The following MAP4K3 variants were observed in gnomAD, a reference collection of about 807,000 sequenced individuals.
MAP4K3 encodes MAPK/ERK kinase kinase kinase 3.
Under a neutral mutation model 143.5 loss-of-function variants are expected in MAP4K3, and 94 were observed. That is an observed-to-expected ratio of 0.65 (90% CI 0.55 to 0.78). The LOEUF (loss-of-function observed/expected upper bound fraction) is 0.78, where lower values mean the gene tolerates loss of function less well. Ranked by LOEUF, MAP4K3 falls within the 30% of genes least tolerant of loss-of-function variation. The pLI is 0.00. For synonymous variants in MAP4K3, 416 were observed against 347.2 expected, an observed-to-expected ratio of 1.20 and a Z score of -2.20; for missense variants, 1,077 against 1,068.1, an observed-to-expected ratio of 1.01 and a Z score of -0.12.
In MAP4K3 at chr2:39,267,069, T is replaced by C. The variant is rs527786109; in HGVS notation, c.2032+120A>G. On this transcript the variant is annotated intron_variant, in intron 27 of 33. Transcript: ENST00000263881. ...ACAGAGATGAAACAGCCAAGAAATT[T>C]GTTCTACTTAAGCAGGAAAAATAAA... The C allele has an allele frequency of 7.5e-5, 65 of 866,964 alleles. 1 individual carries two copies. In the South Asian group the frequency reaches 8.6e-4, roughly 11 times the overall value. The allele number at this position is 866,964 out of a possible 1,614,324, so 53.7% of individuals were successfully genotyped here.
intron 16 of MAP4K3, among the ~76,000 whole-genome samples, chr2:39,293,571 C>A (rs1445724448): frequency 6.6e-6 from 1 of 152,098 alleles, no homozygotes; most frequent in Non-Finnish European, 1.5e-5. Context: ...AATGTCACAA[C>A]AGTACTGACA....
intron 1 of MAP4K3, among the ~76,000 whole-genome samples, chr2:39,378,960 A>G (rs1359060802): frequency 6.6e-6 from 1 of 151,944 alleles, no homozygotes; most frequent in East Asian, 1.9e-4. Context: ...TTGTCAATTT[A>G]AGATATTTTA....
chr2:39,424,179 G>C (rs1664986307), intron 1 of MAP4K3, among the ~76,000 whole-genome samples: 1 of 152,082 alleles, frequency 6.6e-6, no homozygotes, highest in Non-Finnish European at 1.5e-5. Flanking sequence ...CCTGACCTCA[G>C]GTGATCCACC....
At chr2:39,338,124 G>T (rs1665029111) in intron 4 of MAP4K3, among the ~76,000 whole-genome samples, 1 of 152,066 alleles carries the variant, frequency 6.6e-6, no homozygotes, top group African/African-American at 2.4e-5. Flanking sequence ...GCAGAACAGT[G>T]CCTGGCACAG....
intron 28 of MAP4K3, 83 bp from the exon 29 acceptor site, chr2:39,260,860 A>G: frequency 1.2e-6 from 1 of 868,770 alleles, no homozygotes; most frequent in Non-Finnish European, 1.8e-6. Flanking sequence ...ACAGCTTTCT[A>G]CAATAAAGAC....
intron 4 of MAP4K3, among the ~76,000 whole-genome samples, chr2:39,343,031 G>A (rs1665185986): frequency 6.6e-6 from 1 of 152,010 alleles, no homozygotes; most frequent in Non-Finnish European, 1.5e-5. Context: ...ATACATGAGA[G>A]CAAAATAAAT....
chr2:39,371,352 C>T (rs771800642), intron 2 of MAP4K3, among the ~76,000 whole-genome samples: 16 of 152,132 alleles, frequency 1.1e-4, no homozygotes, highest in African/African-American at 3.4e-4. Context: ...AACAAAGTTA[C>T]GATGGATGTG....
chr2:39,404,276 T>TG (rs1176301510), intron 1 of MAP4K3, among the ~76,000 whole-genome samples: 1 of 152,092 alleles, frequency 6.6e-6, no homozygotes, highest in Non-Finnish European at 1.5e-5. Flanking sequence ...AGTGGACTCT[T>TG]GGAGTCCCTG....
intron 32 of MAP4K3, 81 bp downstream of exon 32, chr2:39,254,369 C>T: frequency 8.9e-7 from 1 of 1,117,384 alleles, no homozygotes; most frequent in Non-Finnish European, 1.4e-6. Context: ...TCAAGCATTA[C>T]TTGTATCATT....
At chr2:39,298,964 C>CAAA (rs371633915) in intron 16 of MAP4K3, among the ~76,000 whole-genome samples, 54 of 68,516 alleles carry the variant, frequency 7.9e-4, no homozygotes, top group African/African-American at 2.0e-3. Context: ...CACTCTGCCT[C>CAAA]AAAAAAAAAA....
chr2:39,374,839 T>C (rs561970344), intron 2 of MAP4K3, among the ~76,000 whole-genome samples: 3 of 152,282 alleles, frequency 2.0e-5, no homozygotes, highest in South Asian at 2.1e-4. Context: ...CAGGTTCAAA[T>C]TGCTTATCAG....
chr2:39,278,127 C>A (rs1443709533), intron 24 of MAP4K3, among the ~76,000 whole-genome samples: 1 of 151,564 alleles, frequency 6.6e-6, no homozygotes, highest in Non-Finnish European at 1.5e-5. Flanking sequence ...ACTAAAAACA[C>A]AAAAATTGGC....
At chr2:39,358,180 GATAACT>G (rs1482103604) in intron 2 of MAP4K3, among the ~76,000 whole-genome samples, 1 of 152,198 alleles carries the variant, frequency 6.6e-6, no homozygotes, top group East Asian at 1.9e-4. Context: ...TTCTGTTACA[GATAACT>G]ATAAGCATCA....
intron 31 of MAP4K3, among the ~76,000 whole-genome samples, chr2:39,257,566 C>T (rs368857942): frequency 1.5e-3 from 232 of 151,884 alleles, no homozygotes; most frequent in Admixed American, 3.4e-3. Flanking sequence ...TTTGGGAGGC[C>T]GAGGCGGGTG....
At chr2:39,295,543 T>C (rs1228358727) in intron 16 of MAP4K3, among the ~76,000 whole-genome samples, 2 of 152,126 alleles carry the variant, frequency 1.3e-5, no homozygotes, top group Admixed American at 6.5e-5. Context: ...ATCTGAACTG[T>C]ACAGTTGGCT....
At chr2:39,320,293 A>G (rs1205914719) in intron 12 of MAP4K3, among the ~76,000 whole-genome samples, 2 of 152,240 alleles carry the variant, frequency 1.3e-5, no homozygotes, top group East Asian at 1.9e-4. Context: ...TCAACTCCTT[A>G]TATCAAAAGG....
At chr2:39,265,965 A>T (rs1558608835) in intron 27 of MAP4K3, among the ~76,000 whole-genome samples, 1 of 152,222 alleles carries the variant, frequency 6.6e-6, no homozygotes. Context: ...CTGAACTGTG[A>T]AAAGGGGAAC....
intron 1 of MAP4K3, among the ~76,000 whole-genome samples, chr2:39,422,693 A>T (rs1667580797): frequency 6.6e-6 from 1 of 152,230 alleles, no homozygotes; most frequent in African/African-American, 2.4e-5. Context: ...ATAGTACTGG[A>T]ACAACTGTAC....
chr2:39,274,283 C>G (rs1157815086), intron 24 of MAP4K3, among the ~76,000 whole-genome samples: 1 of 149,594 alleles, frequency 6.7e-6, no homozygotes, highest in Non-Finnish European at 1.5e-5. Flanking sequence ...GTGGCGCGAT[C>G]TCCGCTCACT....
Sources: allele counts gnomAD v4.1 joint callset (sites outside exome capture counted in the v4.1 genomes callset), GRCh38; gene constraint gnomAD v4.1.1; transcripts MANE v1.5; gene names NCBI Gene and HGNC (gene_info 2026-07-23, HGNC 2026-07-21).